CCSER1: variants seen among roughly 807,000 people sequenced by gnomAD.
CCSER1 encodes coiled-coil serine rich protein 1.
CCSER1 carries 41 observed loss-of-function variants against 82.0 expected under a neutral mutation model. That is an observed-to-expected ratio of 0.50 (90% CI 0.39 to 0.65). CCSER1 has a LOEUF of 0.65. CCSER1 is among the 30% of genes least tolerant of loss of function. CCSER1 has a pLI of 0.00. For missense variants in CCSER1, 1,119 were observed against 1,064.2 expected (o/e 1.05, Z -0.72); for synonymous variants, 414 against 383.9 (o/e 1.08, Z -0.92).
intron 3 of CCSER1, among the ~76,000 whole-genome samples, chr4:90,365,994 A>G (rs940238112): frequency 1.3e-5 from 2 of 151,820 alleles, no homozygotes; most frequent in Non-Finnish European, 3.0e-5. Context: ...TAGTAGCCAT[A>G]GCCAAATATT....
At chr4:91,302,124 C>T (rs1744715720) in intron 10 of CCSER1, among the ~76,000 whole-genome samples, 3 of 151,938 alleles carry the variant, frequency 2.0e-5, no homozygotes, top group Non-Finnish European at 4.4e-5. Flanking sequence ...CTGACCTCTT[C>T]CCAAACTCTA....
intron 1 of CCSER1, among the ~76,000 whole-genome samples, chr4:90,201,871 A>G (rs1051720938): frequency 9.9e-5 from 15 of 152,278 alleles, no homozygotes; most frequent in African/African-American, 3.4e-4. Context: ...CTGTTTACTG[A>G]AGATTATCAT....
intron 10 of CCSER1, among the ~76,000 whole-genome samples, chr4:91,464,449 C>T (rs779452450): frequency 1.3e-5 from 2 of 152,146 alleles, no homozygotes; most frequent in African/African-American, 4.8e-5. Flanking sequence ...CATCAACTGA[C>T]AAGCAAAATA....
chr4:90,492,572 G>A (rs755765502), intron 5 of CCSER1, among the ~76,000 whole-genome samples: 1 of 152,128 alleles, frequency 6.6e-6, no homozygotes, highest in Non-Finnish European at 1.5e-5. Flanking sequence ...TTTTGAATGT[G>A]TTTACTCTTG....
chr4:90,450,759 G>C (rs60134071), intron 4 of CCSER1, among the ~76,000 whole-genome samples: 1 of 152,112 alleles, frequency 6.6e-6, no homozygotes, highest in Non-Finnish European at 1.5e-5. Context: ...AGGGAAGGAG[G>C]TGCCTTTACC....
chr4:90,769,111 T>G (rs1482287349), intron 7 of CCSER1, among the ~76,000 whole-genome samples: 1 of 152,172 alleles, frequency 6.6e-6, no homozygotes, highest in Admixed American at 6.6e-5. Context: ...GCATACCCTC[T>G]GTGTCCTCTG....
chr4:91,522,004 A>G (rs1386579436), intron 10 of CCSER1, among the ~76,000 whole-genome samples: 1 of 152,104 alleles, frequency 6.6e-6, no homozygotes, highest in Non-Finnish European at 1.5e-5. Context: ...TAGGGTTTTT[A>G]TGGTTTTAGG....
chr4:91,094,149 G>A (rs962370964), intron 10 of CCSER1, among the ~76,000 whole-genome samples: 1 of 152,204 alleles, frequency 6.6e-6, no homozygotes, highest in Non-Finnish European at 1.5e-5. Context: ...CCTAGCAGAA[G>A]ATTGTCCACG....
chr4:91,464,646 G>C (rs898146446), intron 10 of CCSER1, among the ~76,000 whole-genome samples: 1 of 152,078 alleles, frequency 6.6e-6, no homozygotes, highest in Non-Finnish European at 1.5e-5. Context: ...TCAAAATAAA[G>C]GGATGGAGGA....
At chr4:90,873,950 A>G (rs1358962957) in intron 8 of CCSER1, among the ~76,000 whole-genome samples, 1 of 152,188 alleles carries the variant, frequency 6.6e-6, no homozygotes, top group African/African-American at 2.4e-5. Context: ...TTTTCAAAAT[A>G]TAGGCAAACA....
At chr4:90,585,855 A>G (rs1015072908) in intron 5 of CCSER1, among the ~76,000 whole-genome samples, 1 of 152,144 alleles carries the variant, frequency 6.6e-6, no homozygotes, top group African/African-American at 2.4e-5. Context: ...ATTATCCTCT[A>G]TGTACGGTCT....
intron 5 of CCSER1, among the ~76,000 whole-genome samples, chr4:90,484,081 C>CT (rs1218215559): frequency 1.3e-5 from 2 of 152,234 alleles, no homozygotes; most frequent in East Asian, 1.9e-4. Context: ...TCTTTTTATT[C>CT]TTTTTTCTCT....
chr4:91,282,175 T>G (rs1742963168), intron 10 of CCSER1, among the ~76,000 whole-genome samples: 1 of 152,148 alleles, frequency 6.6e-6, no homozygotes, highest in African/African-American at 2.4e-5. Context: ...CATATCCCAG[T>G]TTAGAATCTT....
intron 3 of CCSER1, among the ~76,000 whole-genome samples, chr4:90,329,428 A>T (rs1561039682): frequency 6.6e-6 from 1 of 152,194 alleles, no homozygotes; most frequent in Non-Finnish European, 1.5e-5. Context: ...GAAACATTGA[A>T]AAACAAATAG....
intron 4 of CCSER1, among the ~76,000 whole-genome samples, chr4:90,463,169 A>G (rs1420917073): frequency 1.3e-5 from 2 of 152,236 alleles, no homozygotes; most frequent in Non-Finnish European, 2.9e-5. Context: ...ACAGTCTTAA[A>G]TAATGTGGTT....
At chr4:90,649,614 C>T (rs1320052170) in intron 6 of CCSER1, 1 of 152,144 alleles carries the variant, frequency 6.6e-6, no homozygotes, top group East Asian at 1.9e-4. Flanking sequence ...GATTTCCCAG[C>T]CTCCAAAACT....
At chr4:91,109,489 T>TAA (rs564833895) in intron 10 of CCSER1, among the ~76,000 whole-genome samples, 1 of 144,858 alleles carries the variant, frequency 6.9e-6, no homozygotes, top group African/African-American at 2.5e-5. Flanking sequence ...AGTCCTAAGT[T>TAA]AAAAAAAAAA....
In CCSER1 at chr4:90,913,149, T is replaced by A. The variant is rs139220264; in HGVS notation, c.2095-10221T>A. 2.3e-3 allele frequency among the ~76,000 whole-genome samples: 345 copies of A among 152,158 alleles called. 1 individual carries two copies. The highest frequency in any genetic ancestry group is 6.8e-3 in the Middle Eastern group (2 of 294). On this transcript the variant is annotated intron_variant, in intron 8 of 10. Transcript: ENST00000509176. ...GGAAACACAGAGAACACCACAAAGATACTCCTCGAGAAGAGCTACTCCAAG... is the reference window on the plus strand; with the variant it reads ...GGAAACACAGAGAACACCACAAAGAAACTCCTCGAGAAGAGCTACTCCAAG...
intron 10 of CCSER1, among the ~76,000 whole-genome samples, chr4:91,373,556 G>A (rs1266402656): frequency 1.3e-5 from 2 of 152,012 alleles, no homozygotes; most frequent in Admixed American, 6.6e-5. Flanking sequence ...ATGTTCTGTG[G>A]GTTTTGACTG....
Sources: gnomAD v4.1 joint callset for allele counts (sites outside exome capture counted in the v4.1 genomes callset) on GRCh38, gnomAD v4.1.1 for gene constraint, MANE v1.5 for transcripts, NCBI Gene and HGNC (gene_info 2026-07-23, HGNC 2026-07-21) for gene names.